Variants in CMIP observed in about 807,000 individuals in gnomAD.
CMIP encodes the protein C-Maf-inducing protein.
CMIP carries 13 observed loss-of-function variants against 97.3 expected under a neutral mutation model. That is an observed-to-expected ratio of 0.13 (90% confidence interval 0.09 to 0.21). The LOEUF (loss-of-function observed/expected upper bound fraction) is 0.21. CMIP is among the 10% of genes least tolerant of loss of function. The pLI, the probability that CMIP is intolerant of heterozygous loss-of-function variation, is 1.00. For missense variants in CMIP, 847 were observed against 1,024.9 expected (o/e 0.83, Z 2.37); for synonymous variants, 538 against 436.3 (o/e 1.23, Z -2.91).
At position 81,653,019 on chromosome 16, in the gene CMIP, C is replaced by T. The variant is rs142877633; in HGVS notation, c.639+655C>T. On this transcript the variant is annotated intron_variant, in intron 4 of 20. Transcript: ENST00000537098. Reference sequence around the variant, plus strand: ...GAGACAGGCAGTGAACAATGAAACTCATCAGCGAGTCTGTCCCGCTGTTGG... The same window carrying T: ...GAGACAGGCAGTGAACAATGAAACTTATCAGCGAGTCTGTCCCGCTGTTGG... 8.1e-3 allele frequency among the ~76,000 whole-genome samples: 1,229 copies of T among 152,322 alleles called. 7 individuals are homozygous for T. Among genetic ancestry groups the T allele is most frequent in the Non-Finnish European group, 0.013 (901 of 68,026 alleles).
At chr16:81,473,780 T>G (rs1256942883) in intron 1 of CMIP, among the ~76,000 whole-genome samples, 3 of 150,896 alleles carry the variant, frequency 2.0e-5, no homozygotes, top group Non-Finnish European at 4.4e-5. Flanking sequence ...AAGTCAAGTC[T>G]GCTGACGTGT....
chr16:81,534,087 G>A (rs13336426), intron 1 of CMIP: 25,139 of 152,220 alleles, frequency 0.17, 2,211 homozygotes, highest in East Asian at 0.32. Context: ...GCATCTCCAC[G>A]CTGGAGCTGG....
At chr16:81,629,804 G>C (rs2092129394) in intron 3 of CMIP, among the ~76,000 whole-genome samples, 1 of 152,222 alleles carries the variant, frequency 6.6e-6, no homozygotes, top group South Asian at 2.1e-4. Flanking sequence ...GAAGAGGCTG[G>C]GGCCATTTAC....
rs1162933753 is a variant in CMIP at position 81,696,758 on chromosome 16, G to C, written c.1638+91G>C. The C allele has an allele frequency of 2.4e-6, 3 of 1,247,538 alleles. No individual in the cohort carries two copies. The African/African-American group carries it at 4.5e-5, about 19-fold the overall frequency. 77.3% of individuals were successfully genotyped at this position (1,247,538 alleles called of 1,614,324 possible). On this transcript the variant is annotated intron_variant, in intron 14 of 20. Transcript: ENST00000537098. Reference sequence around the variant, plus strand: ...AAACAGCCGTCCCCCATCCCCTGGGGCCAGCCCCGGAGTTTCCCGGCTAAC... The same window carrying C: ...AAACAGCCGTCCCCCATCCCCTGGGCCCAGCCCCGGAGTTTCCCGGCTAAC...
rs183135746 is a variant in CMIP at position 81,629,093 on chromosome 16, G to A, written c.477+8167G>A. On this transcript the variant is annotated intron_variant, in intron 3 of 20. Transcript: ENST00000537098. Reference sequence around the variant, plus strand: ...GGAGGTTGCAGTGAGCCGAGATGGTGCCACTATACTCCAGCCTGGGTGACA... The same window carrying A: ...GGAGGTTGCAGTGAGCCGAGATGGTACCACTATACTCCAGCCTGGGTGACA... 2.2e-5 allele frequency among the ~76,000 whole-genome samples: 3 copies of A among 136,398 alleles called. No individual in the cohort carries two copies. The East Asian group carries it at 6.6e-4, about 30-fold the overall frequency. The allele number at this position is 136,398 out of a possible 152,430, so 89.5% of individuals were successfully genotyped here.
chr16:81,564,986 G>C (rs2090953661), intron 1 of CMIP, among the ~76,000 whole-genome samples: 2 of 152,034 alleles, frequency 1.3e-5, no homozygotes, highest in Admixed American at 1.3e-4. Context: ...GGGCAGGAGG[G>C]GATGGAGCAG....
chr16:81,465,447 C>A (rs1398944144), intron 1 of CMIP, among the ~76,000 whole-genome samples: 2 of 152,352 alleles, frequency 1.3e-5, no homozygotes, highest in Non-Finnish European at 2.9e-5. Context: ...CTGTGTCCTG[C>A]TGTGCTTGCT....
chr16:81,613,541 C>T (rs979864343), intron 2 of CMIP, among the ~76,000 whole-genome samples: 3 of 152,186 alleles, frequency 2.0e-5, no homozygotes, highest in Non-Finnish European at 4.4e-5. Flanking sequence ...ATCTGTGAAA[C>T]GCACTCTAAT....
intron 1 of CMIP, among the ~76,000 whole-genome samples, chr16:81,535,631 A>G (rs1449807022): frequency 1.3e-5 from 2 of 152,012 alleles, no homozygotes; most frequent in African/African-American, 4.8e-5. Context: ...TAATAATACA[A>G]TTATTATTAT....
At chr16:81,581,045 G>C (rs2091288140) in intron 1 of CMIP, among the ~76,000 whole-genome samples, 1 of 152,002 alleles carries the variant, frequency 6.6e-6, no homozygotes, top group South Asian at 2.1e-4. Context: ...TTTTCCACTG[G>C]CTTCTTTCCC....
At chr16:81,534,368 A>G (rs1479162334) in intron 1 of CMIP, among the ~76,000 whole-genome samples, 2 of 152,110 alleles carry the variant, frequency 1.3e-5, no homozygotes, top group Non-Finnish European at 1.5e-5. Context: ...TTTATTTTCA[A>G]TTATGGCATG....
chr16:81,486,069 A>G (rs1299884571), intron 1 of CMIP, among the ~76,000 whole-genome samples: 1 of 152,256 alleles, frequency 6.6e-6, no homozygotes, highest in East Asian at 1.9e-4. Context: ...GGGCTCCCAA[A>G]GGCCACACGC....
intron 1 of CMIP, among the ~76,000 whole-genome samples, chr16:81,511,178 A>C (rs995381457): frequency 6.6e-6 from 1 of 152,226 alleles, no homozygotes; most frequent in Non-Finnish European, 1.5e-5. Context: ...GTTTAGATGC[A>C]AATCCCTGAC....
intron 1 of CMIP, among the ~76,000 whole-genome samples, chr16:81,586,730 C>G (rs1043867279): frequency 1.3e-5 from 2 of 152,198 alleles, no homozygotes; most frequent in Non-Finnish European, 2.9e-5. Context: ...GCTCCTCTGC[C>G]TCCACACCTG....
intron 1 of CMIP, among the ~76,000 whole-genome samples, chr16:81,473,193 C>T (rs995263842): frequency 3.3e-5 from 5 of 152,240 alleles, no homozygotes; most frequent in Non-Finnish European, 7.3e-5. Flanking sequence ...GTGCTTATGT[C>T]GGCCTCTGTC....
intron 1 of CMIP, among the ~76,000 whole-genome samples, chr16:81,583,742 T>A (rs956033376): frequency 6.6e-6 from 1 of 152,142 alleles, no homozygotes; most frequent in African/African-American, 2.4e-5. Flanking sequence ...AAGTGGTTTC[T>A]GGGAAAGACG....
At chr16:81,491,183 C>G (rs1201198103) in intron 1 of CMIP, among the ~76,000 whole-genome samples, 1 of 152,154 alleles carries the variant, frequency 6.6e-6, no homozygotes, top group Non-Finnish European at 1.5e-5. Context: ...AACGGTGTCA[C>G]CCATCACAGG....
chr16:81,471,827 A>G (rs542755436), intron 1 of CMIP, among the ~76,000 whole-genome samples: 2 of 152,242 alleles, frequency 1.3e-5, no homozygotes, highest in Non-Finnish European at 2.9e-5. Context: ...ACAGGCAGCT[A>G]GGACATGCAG....
chr16:81,649,066 G>A (rs2092398041), intron 3 of CMIP, among the ~76,000 whole-genome samples: 1 of 152,156 alleles, frequency 6.6e-6, no homozygotes, highest in Non-Finnish European at 1.5e-5. Context: ...TTTGCACTCA[G>A]TCCCTTGTCT....
Sources: gnomAD v4.1 joint callset for allele counts (sites outside exome capture counted in the v4.1 genomes callset) on GRCh38, gnomAD v4.1.1 for gene constraint, MANE v1.5 for transcripts, NCBI Gene and HGNC (gene_info 2026-07-23, HGNC 2026-07-21) for gene names.